CUTA: variants seen among roughly 807,000 people sequenced by gnomAD.
CUTA encodes protein CutA.
CUTA carries 21 observed loss-of-function variants against 20.7 expected under a neutral mutation model. The ratio of observed to expected loss-of-function variants is 1.01; its 90% CI spans 0.72 to 1.46. The LOEUF (loss-of-function observed/expected upper bound fraction) is 1.46. Among genes scored for constraint, CUTA ranks in the 40% most tolerant of loss-of-function variants. The probability of loss-of-function intolerance (pLI) is 0.00; values close to 1 mark genes in which losing one functional copy is unlikely to be tolerated. For missense variants in CUTA, 231 were observed against 226.8 expected, an observed-to-expected ratio of 1.02 and a Z score of -0.12; for synonymous variants, 99 against 97.9, an observed-to-expected ratio of 1.01 and a Z score of -0.07.
At position 33,417,313 on chromosome 6, in the gene CUTA, G is replaced by A. The variant is rs143728019; in HGVS notation, c.258-3C>T. ...CTAGGCGCTTCTCCACCACGGCCCT[G>A]GAGTGAAGAGACAGTCCCATTCAGA... On this transcript the variant is annotated splice_polypyrimidine_tract_variant and splice_region_variant and intron_variant, in intron 2 of 5. Coordinates refer to ENST00000488034, the MANE Select transcript of CUTA (RefSeq NM_001014840.2). 4.9e-4 allele frequency: 793 copies of A among 1,614,216 alleles called. 5 individuals are homozygous for A. The African/African-American group carries it at 6.7e-3, about 14-fold the overall frequency.
chr6:33,416,518 A>G lies in CUTA; in HGVS notation c.*132T>C. On this transcript the variant is annotated 3_prime_UTR_variant, in exon 6 of 6. Transcript: ENST00000488034. ...ACTTATATTCTCCCAACAAATTTGC[A>G]TACATGACAAAAAACAGGCAAAAGG... The G allele has an allele frequency of 4.3e-6, 3 of 692,616 alleles. No individual in the cohort carries two copies. Among genetic ancestry groups the G allele is most frequent in the South Asian group, 3.3e-5 (2 of 59,722 alleles). The allele number at this position is 692,616 out of a possible 1,614,324, so 42.9% of individuals were successfully genotyped here.
Position 33,416,892 on chromosome 6 carries a change from C to T in CUTA, c.413+28G>A, listed in dbSNP as rs774999747. 8.1e-6 allele frequency: 13 copies of T among 1,613,708 alleles called. No homozygotes were observed. The highest frequency in any genetic ancestry group is 1.1e-5 in the South Asian group (1 of 91,086). ...AAGTCACACCCACACAGTACACACC[C>T]TCACCCCATCCATCTCAAAGTTCTC... On this transcript the variant is annotated intron_variant, in intron 5 of 5. Transcript: ENST00000488034.
In CUTA at chr6:33,416,669, G is replaced by C. The variant is rs1234394071; in HGVS notation, c.521C>G (p.Ser174Cys). 6.3e-7 allele frequency: 1 copy of C among 1,596,518 alleles called. No individual in the cohort carries two copies. The highest frequency in any genetic ancestry group is 1.3e-5 in the African/African-American group (1 of 74,544). ...VRQVTESVSD[S>C]ITVLP The stretch of plus-strand genomic sequence containing the variant: ...GGCTCATCATGGCAGGACTGTGATA[G>C]AGTCAGAAACTGACTCTGTGACCTG... Residue 174 changes from serine (S) to cysteine (C), a missense_variant, in exon 6 of 6, where the codon TCT (serine) becomes TGT (cysteine). By Grantham distance (112) the Ser-to-Cys change is moderately radical. Coordinates refer to ENST00000488034, the MANE Select transcript of CUTA (RefSeq NM_001014840.2).
chr6:33,416,807 C>A, intron 5 of CUTA, 31 bp from the exon 6 acceptor site: 2 of 1,610,994 alleles, frequency 1.2e-6, no homozygotes, highest in Non-Finnish European at 1.7e-6. Context: ...GGAAGGGGAT[C>A]ACTCAAAGAT....
Position 33,416,681 on chromosome 6 carries a change from G to A in CUTA, c.509C>T (p.Ser170Leu). The change falls in exon 6 of 6, where the codon TCA (serine) becomes TTA (leucine). Residue 170 changes from serine to leucine, a missense_variant. Coordinates refer to ENST00000488034, the MANE Select transcript of CUTA (RefSeq NM_001014840.2). ...CAGGACTGTGATAGAGTCAGAAACT[G>A]ACTCTGTGACCTGGCGCACCCACTG... ...YLQWVRQVTE[S>L]VSDSITVLP 3 of 1,611,516 alleles carry A rather than the reference G, an allele frequency of 1.9e-6. No individual in the cohort carries two copies. The highest frequency in any genetic ancestry group is 2.5e-6 in the Non-Finnish European group (3 of 1,177,652).
At position 33,416,672 on chromosome 6, in the gene CUTA, T is replaced by G. The variant is rs1191255630; in HGVS notation, c.518A>C (p.Asp173Ala). ...WVRQVTESVS[D>A]SITVLP ...TCATCATGGCAGGACTGTGATAGAG[T>G]CAGAAACTGACTCTGTGACCTGGCG... The change falls in exon 6 of 6, where the codon GAC becomes GCC. Residue 173 changes from aspartate to alanine, a missense_variant. Physicochemically the swap from Asp to Ala is moderately radical, Grantham distance 126. Coordinates refer to ENST00000488034, the MANE Select transcript of CUTA (RefSeq NM_001014840.2). 2.5e-6 allele frequency: 4 copies of G among 1,604,608 alleles called. No individual in the cohort carries two copies. The East Asian group carries it at 6.7e-5, about 27-fold the overall frequency.
At chr6:33,417,039 A>C (rs2151115750) in intron 4 of CUTA, 58 bp downstream of exon 4, 1 of 1,612,306 alleles carries the variant, frequency 6.2e-7, no homozygotes, top group Non-Finnish European at 8.5e-7. Context: ...AAGAGGGGTA[A>C]GGGCTAAAGG....
At chr6:33,417,791 C>G (rs1776604005) in intron 1 of CUTA, 96 bp from the exon 2 acceptor site, 1 of 1,544,318 alleles carries the variant, frequency 6.5e-7, no homozygotes, top group African/African-American at 1.4e-5. Flanking sequence ...TCTGCCCTCC[C>G]TCTGATGCAC....
Position 33,416,487 on chromosome 6 carries a change from A to G in CUTA, c.*163T>C, listed in dbSNP as rs1776485538. 1.6e-6 allele frequency: 1 copy of G among 634,710 alleles called. No individual in the cohort carries two copies. Among genetic ancestry groups the G allele is most frequent in the Non-Finnish European group, 2.9e-6 (1 of 346,442 alleles). 39.3% of individuals were successfully genotyped at this position (634,710 alleles called of 1,614,324 possible). ...GAAAGATGTAGAGAATACAGGGACT[A>G]GAAGCACTTATATTCTCCCAACAAA... On this transcript the variant is annotated 3_prime_UTR_variant, in exon 6 of 6. Transcript: ENST00000488034.
intron 2 of CUTA, 22 bp downstream of exon 2, chr6:33,417,459 C>T (rs1358663944): frequency 1.9e-6 from 3 of 1,613,620 alleles, no homozygotes; most frequent in African/African-American, 1.3e-5. Flanking sequence ...CATCCTTTCT[C>T]GCTGCACATC....
In CUTA at chr6:33,416,784, ATAGG is replaced by A. The variant is rs766376296; in HGVS notation, c.414-12_414-9del. On this transcript the variant is annotated splice_polypyrimidine_tract_variant and intron_variant, in intron 5 of 5. Transcript: ENST00000488034. ...TCGTAAGGGTGCACAGAACTACAAA[ATAGG>A]TGGGTGGGGGAAGGGGATCACTCAA... The A allele has an allele frequency of 7.9e-5, 127 of 1,613,676 alleles. 2 individuals are homozygous for A. The highest frequency in any genetic ancestry group is 3.2e-4 in the South Asian group (29 of 91,082).
Position 33,416,932 on chromosome 6 carries a change from G to T in CUTA, c.401C>A (p.Thr134Lys). ...KTQSSLVPAL[T>K]DFVRSVHPYE... ...TCAAAGTTCTCACCGAACAAAATCTGTCAAAGCTGGGACCAAGGAACTTTG... is the reference window on the plus strand; with the variant it reads ...TCAAAGTTCTCACCGAACAAAATCTTTCAAAGCTGGGACCAAGGAACTTTG... Residue 134 changes from threonine to lysine, a missense_variant, in exon 5 of 6, where the codon ACA becomes AAA. Physicochemically the swap from Thr to Lys is moderately conservative, Grantham distance 78. Coordinates refer to ENST00000488034, the MANE Select transcript of CUTA (RefSeq NM_001014840.2). 1 of 1,614,160 alleles carries T rather than the reference G, an allele frequency of 6.2e-7. No individual in the cohort carries two copies. The highest frequency in any genetic ancestry group is 8.5e-7 in the Non-Finnish European group (1 of 1,180,028).
Position 33,416,630 on chromosome 6 carries a change from A to T in CUTA, c.*20T>A. On this transcript the variant is annotated 3_prime_UTR_variant, in exon 6 of 6. Coordinates refer to ENST00000488034, the MANE Select transcript of CUTA (RefSeq NM_001014840.2). ...TTGAAGTATCGCGGGGATCTTCATG[A>T]TGAGCAGGAACAGGGCTCATCATGG... is the stretch of plus-strand genomic sequence containing the variant. The T allele has an allele frequency of 7.2e-7, 1 of 1,391,116 alleles. No homozygotes were observed. Among genetic ancestry groups the T allele is most frequent in the Non-Finnish European group, 1.0e-6 (1 of 977,012 alleles). The allele number at this position is 1,391,116 out of a possible 1,614,324, so 86.2% of individuals were successfully genotyped here.
rs755933279 is a variant in CUTA at position 33,417,622 on chromosome 6, CG to C, written c.115del (p.Arg39GlufsTer4). ...TCCAGAGGCCATGGTCAGCAAGACT[CG>C]GGGTAGCAACAAAAGGCGGGAGGCC... ...PVASRLLLLP[R>X]VLLTMASGSP... is the part of the protein sequence containing the mutation. On this transcript the variant is annotated frameshift_variant, in exon 2 of 6. Transcript: ENST00000488034. LOFTEE classifies it high-confidence loss of function. The C allele has an allele frequency of 1.1e-3, 1,743 of 1,613,866 alleles. 1 individual carries two copies. Among genetic ancestry groups the C allele is most frequent in the Non-Finnish European group, 1.4e-3 (1,642 of 1,179,930 alleles).
Position 33,416,916 on chromosome 6 carries a change from T to C in CUTA, c.413+4A>G, listed in dbSNP as rs1015579487. ...CCTCACCCCATCCATCTCAAAGTTC[T>C]CACCGAACAAAATCTGTCAAAGCTG... On this transcript the variant is annotated splice_donor_region_variant and intron_variant, in intron 5 of 5. Transcript: ENST00000488034. The C allele has an allele frequency of 4.3e-6, 7 of 1,613,994 alleles. No homozygotes were observed. The highest frequency in any genetic ancestry group is 5.9e-6 in the Non-Finnish European group (7 of 1,180,000).
chr6:33,417,960 A>T lies in CUTA; in HGVS notation c.41T>A (p.Val14Glu). The change falls in exon 1 of 6, where the codon GTG becomes GAG. Residue 14 changes from valine to glutamate, a missense_variant and splice_region_variant. By Grantham distance (121) the Val-to-Glu change is moderately radical (BLOSUM62 -2). Coordinates refer to ENST00000488034, the MANE Select transcript of CUTA (RefSeq NM_001014840.2). ...GRAPAVLLGG[V>E]ASLLLSFVWM... ...GGCGGGGCGGGGCCGGTCACTCACC[A>T]CTCCGCCGAGCAGGACCGCGGGAGC... The T allele has an allele frequency of 6.3e-7, 1 of 1,593,782 alleles. No homozygotes were observed. The highest frequency in any genetic ancestry group is 1.3e-5 in the African/African-American group (1 of 74,528).
intron 5 of CUTA, 34 bp from the exon 6 acceptor site, chr6:33,416,810 T>A: frequency 6.2e-7 from 1 of 1,610,184 alleles, no homozygotes; most frequent in Non-Finnish European, 8.5e-7. Context: ...AGGGGATCAC[T>A]CAAAGATTTA....
chr6:33,418,008 A>T lies in CUTA; in HGVS notation c.-8T>A. 6.2e-7 allele frequency: 1 copy of T among 1,613,854 alleles called. No homozygotes were observed. Among genetic ancestry groups the T allele is most frequent in the Non-Finnish European group, 8.5e-7 (1 of 1,179,842 alleles). ...AGCCCGCCCCCCACTCATGCGGCCT[A>T]CGCTGGTACAGGAGAGTTGATCTCA... is the stretch of plus-strand genomic sequence containing the variant. On this transcript the variant is annotated 5_prime_UTR_variant, in exon 1 of 6. Coordinates refer to ENST00000488034, the MANE Select transcript of CUTA (RefSeq NM_001014840.2). This position sits in a 1 kb window ranked among gnomAD's most constrained non-coding sequence, Gnocchi z 5.7.
chr6:33,417,431 C>T (rs1776577226), intron 2 of CUTA, 50 bp downstream of exon 2: 2 of 1,612,504 alleles, frequency 1.2e-6, no homozygotes, highest in African/African-American at 1.3e-5. Context: ...GCCCCACCCC[C>T]AACTGTCCCT....
Sources: gnomAD v4.1 joint callset for allele counts on GRCh38, gnomAD v4.1.1 for gene constraint, Gnocchi (gnomAD v3.1) non-coding constraint, MANE v1.5 for transcripts, NCBI Gene and HGNC (gene_info 2026-07-23, HGNC 2026-07-21) for gene names.